The following HS3ST3A1 variants were observed in gnomAD, a reference collection of about 807,000 sequenced individuals.
The protein encoded by HS3ST3A1 is heparan sulfate-glucosamine 3-sulfotransferase 3A1, also known as heparan sulfate glucosamine 3-O-sulfotransferase 3A1.
A neutral mutation model predicts 25.7 loss-of-function variants in HS3ST3A1; 19 were observed. That is an observed-to-expected ratio of 0.74 (90% CI 0.52 to 1.08). The LOEUF (loss-of-function observed/expected upper bound fraction) is 1.08. HS3ST3A1 is among the 50% of genes least tolerant of loss of function. The pLI, the probability that HS3ST3A1 is intolerant of heterozygous loss-of-function variation, is 0.00. For missense variants in HS3ST3A1, 459 were observed against 594.3 expected (o/e 0.77, Z 2.37); for synonymous variants, 226 against 278.6 (o/e 0.81, Z 1.88).
rs116234984 is a variant in HS3ST3A1 at position 13,516,699 on chromosome 17, T to C, written c.600-19881A>G. Among the ~76,000 whole-genome samples, 664 of 152,346 alleles carry C rather than the reference T, an allele frequency of 4.4e-3. 7 individuals carry two copies. Among genetic ancestry groups the C allele is most frequent in the African/African-American group, 0.015 (634 of 41,582 alleles). On this transcript the variant is annotated intron_variant, in intron 1 of 1. Coordinates refer to ENST00000284110, the MANE Select transcript of HS3ST3A1 (RefSeq NM_006042.3). ...TACCTTAAGCTGTTCTTTTTTAAGA[T>C]GCAGAAGTTATACTTTCAATCGAGT...
chr17:13,574,761 A>AC (rs759280619), intron 1 of HS3ST3A1, among the ~76,000 whole-genome samples: 39,295 of 103,740 alleles, frequency 0.38, 5,840 homozygotes, highest in African/African-American at 0.51. Flanking sequence ...CACACACACA[A>AC]AAAACACACA....
At chr17:13,567,126 C>T (rs1188690582) in intron 1 of HS3ST3A1, among the ~76,000 whole-genome samples, 1 of 152,176 alleles carries the variant, frequency 6.6e-6, no homozygotes, top group Non-Finnish European at 1.5e-5. Context: ...GAAGCCAATG[C>T]TCATTTGCCA....
At chr17:13,567,278 C>G (rs1907698412) in intron 1 of HS3ST3A1, among the ~76,000 whole-genome samples, 1 of 152,150 alleles carries the variant, frequency 6.6e-6, no homozygotes, top group South Asian at 2.1e-4. Context: ...TTGAGACCTA[C>G]TGCTCAGAAA....
intron 1 of HS3ST3A1, among the ~76,000 whole-genome samples, chr17:13,586,596 G>A (rs1270173953): frequency 6.6e-6 from 1 of 151,740 alleles, no homozygotes; most frequent in African/African-American, 2.4e-5. Context: ...GGCCGGGCGC[G>A]GTGGCTCACG....
intron 1 of HS3ST3A1, among the ~76,000 whole-genome samples, chr17:13,577,450 C>A (rs1179861997): frequency 6.6e-6 from 1 of 152,128 alleles, no homozygotes; most frequent in Non-Finnish European, 1.5e-5. Flanking sequence ...CTCTGAAGAG[C>A]CTTTTGGTCT....
At chr17:13,598,010 G>A (rs577464004) in intron 1 of HS3ST3A1, among the ~76,000 whole-genome samples, 1 of 152,300 alleles carries the variant, frequency 6.6e-6, no homozygotes, top group African/African-American at 2.4e-5. Context: ...GGATTCTCCC[G>A]TGTCAATGTA....
chr17:13,522,609 A>G (rs1906283370), intron 1 of HS3ST3A1, among the ~76,000 whole-genome samples: 1 of 152,188 alleles, frequency 6.6e-6, no homozygotes, highest in African/African-American at 2.4e-5. Flanking sequence ...ATTTCAGGAG[A>G]CAATTATTAA....
chr17:13,600,170 G>A (rs1292466651), intron 1 of HS3ST3A1, among the ~76,000 whole-genome samples: 2 of 151,964 alleles, frequency 1.3e-5, no homozygotes, highest in African/African-American at 4.8e-5. Flanking sequence ...TTGGGAAGGA[G>A]AAGGCAATCT....
At chr17:13,587,836 A>T (rs891851869) in intron 1 of HS3ST3A1, among the ~76,000 whole-genome samples, 2 of 152,220 alleles carry the variant, frequency 1.3e-5, no homozygotes, top group African/African-American at 4.8e-5. Flanking sequence ...TCATCCTCCC[A>T]AACAACTTTG....
chr17:13,541,493 T>C (rs961041576), intron 1 of HS3ST3A1, among the ~76,000 whole-genome samples: 2 of 152,300 alleles, frequency 1.3e-5, no homozygotes, highest in Admixed American at 1.3e-4. Flanking sequence ...GGCCAGTTGA[T>C]ACAATCACCC....
At chr17:13,507,241 C>T (rs977295480) in intron 1 of HS3ST3A1, among the ~76,000 whole-genome samples, 7 of 152,102 alleles carry the variant, frequency 4.6e-5, no homozygotes, top group African/African-American at 1.7e-4. Context: ...TGAGCATTTA[C>T]CACAGAACAA....
chr17:13,508,878 C>T (rs1350861423), intron 1 of HS3ST3A1, among the ~76,000 whole-genome samples: 7 of 152,128 alleles, frequency 4.6e-5, no homozygotes, highest in Admixed American at 1.3e-4. Context: ...ACTTCCCCAC[C>T]GTGGGGCCAT....
At chr17:13,589,745 T>C (rs1908371261) in intron 1 of HS3ST3A1, among the ~76,000 whole-genome samples, 1 of 152,184 alleles carries the variant, frequency 6.6e-6, no homozygotes, top group Non-Finnish European at 1.5e-5. Flanking sequence ...ATGAAATCAC[T>C]GCATCGTGGC....
At chr17:13,515,471 G>GTTTTTTTTTTTTT (rs33924561) in intron 1 of HS3ST3A1, among the ~76,000 whole-genome samples, 2 of 107,794 alleles carry the variant, frequency 1.9e-5, no homozygotes, top group African/African-American at 7.2e-5. Flanking sequence ...GTTTGTTTCA[G>GTTTTTTTTTTTTT]TTTTTTTTTT....
rs111596837 is a variant in HS3ST3A1, at chr17:13,578,056, G to A, written c.599+22475C>T. The stretch of plus-strand genomic sequence containing the variant: ...ACTTTACTCAGCCATTTTTTCTGCT[G>A]AGAAGTTATCATAAGAAAATAATGA... On this transcript the variant is annotated intron_variant, in intron 1 of 1. Coordinates refer to ENST00000284110, the MANE Select transcript of HS3ST3A1 (RefSeq NM_006042.3). 5.6e-3 allele frequency among the ~76,000 whole-genome samples: 857 copies of A among 152,194 alleles called. 12 individuals are homozygous for A. The highest frequency in any genetic ancestry group is 0.02 in the African/African-American group (836 of 41,510).
chr17:13,600,403 G>A lies in HS3ST3A1; in HGVS notation c.599+128C>T, dbSNP rs906713195. The A allele has an allele frequency of 3.6e-6, 5 of 1,395,448 alleles. No individual in the cohort carries two copies. In the African/African-American group the frequency reaches 6.1e-5, roughly 17 times the overall value. The allele number at this position is 1,395,448 out of a possible 1,614,324, so 86.4% of individuals were successfully genotyped here. ...AGGCGGAGAGGGAAGAAAGACCCTTGACGACCCTTCGCCTTCTGCATGAAG... is the reference window on the plus strand; with the variant it reads ...AGGCGGAGAGGGAAGAAAGACCCTTAACGACCCTTCGCCTTCTGCATGAAG... On this transcript the variant is annotated intron_variant, in intron 1 of 1. Transcript: ENST00000284110.
intron 1 of HS3ST3A1, among the ~76,000 whole-genome samples, chr17:13,524,706 A>G (rs534138526): frequency 5.3e-5 from 8 of 152,290 alleles, no homozygotes; most frequent in Admixed American, 2.0e-4. Context: ...TGGCTTTAAT[A>G]TGGTACAATA....
intron 1 of HS3ST3A1, among the ~76,000 whole-genome samples, chr17:13,582,474 G>A (rs1162428721): frequency 6.6e-6 from 1 of 152,166 alleles, no homozygotes; most frequent in African/African-American, 2.4e-5. Flanking sequence ...ACATAAGTCA[G>A]AAGTCCAAAT....
intron 1 of HS3ST3A1, among the ~76,000 whole-genome samples, chr17:13,584,398 T>C (rs1038095420): frequency 5.3e-5 from 7 of 132,542 alleles, no homozygotes; most frequent in African/African-American, 2.0e-4. Context: ...TAAGCATTCA[T>C]CCAAAGAGCA....
Sources: allele counts gnomAD v4.1 joint callset (sites outside exome capture counted in the v4.1 genomes callset), GRCh38; gene constraint gnomAD v4.1.1; transcripts MANE v1.5; gene names NCBI Gene and HGNC (gene_info 2026-07-23, HGNC 2026-07-21).